Variants in XPNPEP2 observed in about 807,000 individuals in gnomAD.
The protein encoded by XPNPEP2 is X-prolyl aminopeptidase 2, also known as xaa-Pro aminopeptidase 2.
A neutral mutation model predicts 59.8 loss-of-function variants in XPNPEP2; 64 were observed. The ratio of observed to expected loss-of-function variants is 1.07; its 90% CI spans 0.87 to 1.32. The LOEUF (loss-of-function observed/expected upper bound fraction) is 1.32. Ranked by LOEUF, XPNPEP2 falls within the 40% of genes most tolerant of loss-of-function variation. The pLI is 0.00. For missense variants in XPNPEP2, 575 were observed against 546.8 expected (o/e 1.05, Z -0.51); for synonymous variants, 235 against 210.0 (o/e 1.12, Z -1.03).
intron 6 of XPNPEP2, 21 bp downstream of exon 6, chrX:129,746,702 C>G: frequency 8.4e-7 from 1 of 1,188,581 alleles, no homozygotes; most frequent in Non-Finnish European, 1.1e-6. Context: ...CCTTCAGTCC[C>G]TGAATTTGTC....
intron 7 of XPNPEP2, among the ~76,000 whole-genome samples, chrX:129,748,505 C>T (rs1926339680): frequency 1.8e-5 from 2 of 112,073 alleles, no homozygotes; most frequent in Non-Finnish European, 3.8e-5. Flanking sequence ...TTCCTAGTAA[C>T]ATTGATCAAG....
intron 11 of XPNPEP2, among the ~76,000 whole-genome samples, chrX:129,753,522 A>G (rs1231307826): frequency 9.0e-6 from 1 of 111,305 alleles, no homozygotes; most frequent in Non-Finnish European, 1.9e-5. Context: ...GATCACCTGT[A>G]GTCCCAGCTA....
intron 19 of XPNPEP2, among the ~76,000 whole-genome samples, chrX:129,767,281 T>C (rs73633921): frequency 0.017 from 1,908 of 112,216 alleles, 32 homozygotes; most frequent in African/African-American, 0.057. Flanking sequence ...CTGCCTCCAG[T>C]AGGTTTGGGA....
At chrX:129,761,308 C>A (rs768880056) in intron 17 of XPNPEP2, 32 bp downstream of exon 17, 431 of 1,119,356 alleles carry the variant, frequency 3.9e-4, no homozygotes, top group Non-Finnish European at 5.0e-4. Context: ...CCCAGGCCAC[C>A]CCCCTTTTAT....
chrX:129,739,170 T>C lies in XPNPEP2; in HGVS notation c.-44T>C, dbSNP rs751870473. The C allele has an allele frequency of 5.6e-5, 67 of 1,187,065 alleles. No individual in the cohort carries two copies. Among genetic ancestry groups the C allele is most frequent in the Non-Finnish European group, 7.1e-5 (63 of 881,925 alleles). On this transcript the variant is annotated 5_prime_UTR_variant, in exon 1 of 21. Transcript: ENST00000371106. ...GGCCGGGGAAAGAGCCCTCCCTCTC[T>C]CCCTTGTCCCTCCATCCACCCAGCG...
In XPNPEP2 at chrX:129,752,273, C is replaced by T; in HGVS notation, c.945C>T (p.Tyr315=). 1.7e-6 allele frequency: 2 copies of T among 1,212,121 alleles called. No individual in the cohort carries two copies. The highest frequency in any genetic ancestry group is 3.5e-5 in the South Asian group (2 of 57,039). ...YSQVRDSIQA[Y]SLGDVRIWIG... ...AAGTTCGTGACAGCATCCAGGCCTA[C>T]TCATTGGGAGATGTGAGGATCTGGA... The change falls in exon 10 of 21, where the codon TAC becomes TAT. Residue 315 remains tyrosine (Y), a synonymous_variant. Coordinates refer to ENST00000371106, the MANE Select transcript of XPNPEP2 (RefSeq NM_003399.6).
Position 129,746,247 on chromosome X carries a change from G to A in XPNPEP2, c.310G>A (p.Val104Met), listed in dbSNP as rs769450438. Residue 104 changes from valine to methionine, a missense_variant, in exon 5 of 21, where the codon GTG (valine) becomes ATG (methionine). Val to Met is a conservative substitution (Grantham distance 21, BLOSUM62 1). Coordinates refer to ENST00000371106, the MANE Select transcript of XPNPEP2 (RefSeq NM_003399.6). ...GFTGSAGTAV[V>M]TMKKAAVWTD... is the part of the protein sequence containing the mutation. The stretch of plus-strand genomic sequence containing the variant: ...CTGTTCTGCCCCAGGAACTGCAGTG[G>A]TGACTATGAAGAAAGCAGCTGTCTG... 3 of 1,210,787 alleles carry A rather than the reference G, an allele frequency of 2.5e-6. No homozygotes were observed. The South Asian group carries it at 5.3e-5, about 21-fold the overall frequency.
chrX:129,743,728 C>G (rs1679306001), intron 2 of XPNPEP2, among the ~76,000 whole-genome samples: 1 of 110,885 alleles, frequency 9.0e-6, no homozygotes, highest in Admixed American at 9.6e-5. Context: ...GGTCCCTTTC[C>G]AAACTCTCCA....
chrX:129,739,630 A>T (rs1371640367), intron 1 of XPNPEP2, among the ~76,000 whole-genome samples: 1 of 112,084 alleles, frequency 8.9e-6, no homozygotes. Context: ...TGGATGGAAA[A>T]GTATTAAGAG....
At chrX:129,742,260 C>A in intron 2 of XPNPEP2, 79 bp downstream of exon 2, 1 of 540,230 alleles carries the variant, frequency 1.9e-6, no homozygotes, top group Non-Finnish European at 3.0e-6. Flanking sequence ...ACCCCTGCAC[C>A]GCAGCACCCC....
intron 14 of XPNPEP2, among the ~76,000 whole-genome samples, chrX:129,757,642 C>T (rs1387222959): frequency 9.4e-6 from 1 of 106,783 alleles, no homozygotes; most frequent in African/African-American, 3.4e-5. Context: ...CCCATCTCTA[C>T]TAAAAATACA....
chrX:129,762,372 G>A (rs2235445), intron 18 of XPNPEP2, among the ~76,000 whole-genome samples: 23,534 of 111,179 alleles, frequency 0.21, 1,842 homozygotes, highest in East Asian at 0.29. Context: ...CTCTGGAGTT[G>A]CCAAATGCTG....
intron 7 of XPNPEP2, among the ~76,000 whole-genome samples, chrX:129,748,090 G>A (rs1300160611): frequency 8.9e-6 from 1 of 112,307 alleles, no homozygotes; most frequent in Non-Finnish European, 1.9e-5. Context: ...AAAAAATCAT[G>A]ATATGATTTG....
At chrX:129,752,729 C>T (rs1323811461) in intron 10 of XPNPEP2, among the ~76,000 whole-genome samples, 3 of 112,270 alleles carry the variant, frequency 2.7e-5, no homozygotes, top group Non-Finnish European at 5.6e-5. Context: ...TCGCAGGAGT[C>T]GCTCAGTGGA....
Position 129,768,664 on chromosome X carries a change from C to A in XPNPEP2, c.*179C>A. ...GGTCCCAGGCCCCAGGAACACAGGG[C>A]TTCTTGGCCCCAGATGGCACCTCCC... On this transcript the variant is annotated 3_prime_UTR_variant, in exon 21 of 21. Coordinates refer to ENST00000371106, the MANE Select transcript of XPNPEP2 (RefSeq NM_003399.6). The A allele has an allele frequency of 2.5e-6, 1 of 392,407 alleles. No individual in the cohort carries two copies. The highest frequency in any genetic ancestry group is 8.2e-5 in the South Asian group (1 of 12,181). 32.3% of individuals were successfully genotyped at this position (392,407 alleles called of 1,213,427 possible).
At chrX:129,747,478 T>A in intron 6 of XPNPEP2, 129 bp from the exon 7 acceptor site, 1 of 948,663 alleles carries the variant, frequency 1.1e-6, no homozygotes, top group Non-Finnish European at 1.5e-6. Context: ...GGCAGGCTGC[T>A]GGGGCAGGCT....
intron 1 of XPNPEP2, among the ~76,000 whole-genome samples, chrX:129,740,808 G>GC (rs1207375198): frequency 3.7e-5 from 4 of 107,480 alleles, no homozygotes; most frequent in Admixed American, 9.8e-5. Flanking sequence ...GGGTGTGGTG[G>GC]GTGCATGCCT....
At chrX:129,754,767 C>T (rs859576) in intron 12 of XPNPEP2, among the ~76,000 whole-genome samples, 186 bp downstream of exon 12, 7,963 of 109,539 alleles carry the variant, frequency 0.073, 450 homozygotes, top group African/African-American at 0.18. Context: ...GAGCAGGGGG[C>T]GTTGGATGAT....
At position 129,743,984 on chromosome X, in the gene XPNPEP2, T is replaced by C; in HGVS notation, c.147T>C (p.Asn49=). 5.8e-6 allele frequency: 7 copies of C among 1,210,435 alleles called. No homozygotes were observed. Among genetic ancestry groups the C allele is most frequent in the Non-Finnish European group, 7.8e-6 (7 of 894,215 alleles). The stretch of plus-strand genomic sequence containing the variant: ...AGTACCTTCCAGTTACTGTGGTCAA[T>C]ACCACAATGTCACTCACAGCCCTCC... The part of the protein sequence containing the change: ...NPPYLPVTVV[N]TTMSLTALRQ... The change falls in exon 3 of 21, where the codon AAT becomes AAC. Residue 49 remains asparagine, a synonymous_variant. Transcript: ENST00000371106.
Sources: gnomAD v4.1 joint callset for allele counts (sites outside exome capture counted in the v4.1 genomes callset) on GRCh38, gnomAD v4.1.1 for gene constraint, MANE v1.5 for transcripts, NCBI Gene and HGNC (gene_info 2026-07-23, HGNC 2026-07-21) for gene names.